Variants in MYEF2 observed in about 807,000 individuals in gnomAD.
The protein encoded by MYEF2 is myelin expression factor 2, also known as myelin gene expression factor 2.
Under a neutral mutation model 75.2 loss-of-function variants are expected in MYEF2, and 37 were observed. The observed-to-expected ratio is 0.49, with a 90% CI of 0.38 to 0.65. The LOEUF is 0.65. MYEF2 is among the 30% of genes least tolerant of loss of function. The pLI, the probability that MYEF2 is intolerant of heterozygous loss-of-function variation, is 0.00. For synonymous variants in MYEF2, 195 were observed against 241.6 expected (o/e 0.81, Z 1.79); for missense variants, 634 against 771.4 (o/e 0.82, Z 2.11).
Position 48,142,538 on chromosome 15 carries a change from T to A in MYEF2, c.*370A>T. 1 of 517,228 alleles carries A rather than the reference T, an allele frequency of 1.9e-6. No homozygotes were observed. The highest frequency in any genetic ancestry group is 3.2e-6 in the Non-Finnish European group (1 of 308,456). The allele number at this position is 517,228 out of a possible 1,614,324, so 32.0% of individuals were successfully genotyped here. A position where few individuals can be genotyped will look rare whatever the true frequency, so the allele number is the denominator to read the frequency against. ...CTTTCTTTTCATGAAAAATTACATA[T>A]TATAAAACAGAAGTTTGGGGGGAAA... On this transcript the variant is annotated 3_prime_UTR_variant, in exon 17 of 17. Transcript: ENST00000324324.
At position 48,168,815 on chromosome 15, in the gene MYEF2, T is replaced by TC. The variant is rs775201152; in HGVS notation, c.185_186insG (p.Glu63ArgfsTer4). On this transcript the variant is annotated frameshift_variant, in exon 2 of 17. Transcript: ENST00000324324. LOFTEE classifies it high-confidence loss of function. The stretch of plus-strand genomic sequence containing the variant: ...ATTTTTCCTTTAAGTCAGATTTCTC[T>TC]TCTTTTGCTGATTCATCATTCTCCC... The TC allele has an allele frequency of 6.2e-7, 1 of 1,612,982 alleles. No individual in the cohort carries two copies. Among genetic ancestry groups the TC allele is most frequent in the Non-Finnish European group, 8.5e-7 (1 of 1,179,414 alleles).
chr15:48,159,853 T>C, intron 5 of MYEF2, 49 bp from the exon 6 acceptor site: 1 of 1,523,428 alleles, frequency 6.6e-7, no homozygotes. Flanking sequence ...TCACTAATTC[T>C]ACAAAATTAA....
intron 9 of MYEF2, 161 bp downstream of exon 9, chr15:48,157,832 T>C: frequency 7.2e-7 from 1 of 1,380,630 alleles, no homozygotes; most frequent in Non-Finnish European, 9.4e-7. Flanking sequence ...ACTTATCTTC[T>C]CAGTCTTCCT....
Position 48,178,287 on chromosome 15 carries a change from C to G in MYEF2, c.-50G>C. The G allele has an allele frequency of 7.4e-7, 1 of 1,356,928 alleles. No homozygotes were observed. Among genetic ancestry groups the G allele is most frequent in the Non-Finnish European group, 9.4e-7 (1 of 1,058,740 alleles). The allele number at this position is 1,356,928 out of a possible 1,614,324, so 84.1% of individuals were successfully genotyped here. A position where few individuals can be genotyped will look rare whatever the true frequency, so the allele number is the denominator to read the frequency against. On this transcript the variant is annotated 5_prime_UTR_variant, in exon 1 of 17. Transcript: ENST00000324324. ...GCCGCCTGAGCTGAGGGGCTCCGAG[C>G]GCGACAATGGCGGCTGCCGGGGAAG...
At chr15:48,148,751 T>C (rs1031991643) in intron 16 of MYEF2, among the ~76,000 whole-genome samples, 4 of 152,026 alleles carry the variant, frequency 2.6e-5, no homozygotes, top group African/African-American at 9.7e-5. Context: ...AATGAGGTAA[T>C]AAAATAAGCC....
chr15:48,168,966 A>G, intron 1 of MYEF2, 127 bp from the exon 2 acceptor site: 1 of 680,102 alleles, frequency 1.5e-6, no homozygotes, highest in South Asian at 2.0e-5. Context: ...GACCTCAGCA[A>G]AGTAGCTGGA....
chr15:48,176,734 T>C (rs1190886604), intron 1 of MYEF2, among the ~76,000 whole-genome samples: 6 of 152,238 alleles, frequency 3.9e-5, no homozygotes, highest in Non-Finnish European at 7.3e-5. Context: ...TTTTCATTTC[T>C]ATTTTTAATG....
intron 9 of MYEF2, among the ~76,000 whole-genome samples, chr15:48,155,360 T>TA (rs1442415048): frequency 6.6e-6 from 1 of 152,088 alleles, no homozygotes. Context: ...CTAATCTAGA[T>TA]GCACCTACTA....
chr15:48,137,871 G>C lies in MYEF2; in HGVS notation c.*5037C>G, dbSNP rs544932289. 5.9e-5 allele frequency: 9 copies of C among 152,084 alleles called. No homozygotes were observed. Among genetic ancestry groups the C allele is most frequent in the South Asian group, 2.1e-4 (1 of 4,828 alleles). The allele number at this position is 152,084 out of a possible 1,614,324, so 9.4% of individuals were successfully genotyped here. On this transcript the variant is annotated 3_prime_UTR_variant, in exon 17 of 17. Transcript: ENST00000324324. The stretch of plus-strand genomic sequence containing the variant: ...TTTAGGTAAATAGGTTCAGTAGGAA[G>C]TCAGAAAATTCAGCTATGGTCAAAA...
At chr15:48,151,810 G>A in intron 12 of MYEF2, 64 bp downstream of exon 12, 2 of 1,548,320 alleles carry the variant, frequency 1.3e-6, no homozygotes, top group Admixed American at 1.7e-5. Context: ...AGTTATAGGG[G>A]GGAAATATTA....
intron 9 of MYEF2, among the ~76,000 whole-genome samples, chr15:48,154,667 T>C (rs2039620396): frequency 2.0e-5 from 3 of 152,158 alleles, no homozygotes; most frequent in African/African-American, 7.2e-5. Flanking sequence ...AGTTAAACTA[T>C]CTTTGAAAAC....
At chr15:48,159,529 T>C (rs945799724) in intron 6 of MYEF2, 84 bp downstream of exon 6, 1 of 1,275,464 alleles carries the variant, frequency 7.8e-7, no homozygotes, top group Non-Finnish European at 1.1e-6. Context: ...ATAAGCAAAA[T>C]GTTCTATAAA....
chr15:48,167,240 T>G, intron 3 of MYEF2, 109 bp downstream of exon 3: 1 of 1,101,790 alleles, frequency 9.1e-7, no homozygotes, highest in Non-Finnish European at 1.3e-6. Context: ...CATAATAAAG[T>G]AAAACAAAAT....
intron 5 of MYEF2, among the ~76,000 whole-genome samples, chr15:48,163,712 G>T (rs554441279): frequency 1.3e-5 from 2 of 152,250 alleles, no homozygotes; most frequent in South Asian, 4.2e-4. Context: ...AATGCAACTG[G>T]TAACCTTAAT....
chr15:48,159,050 A>G (rs1447090270), intron 6 of MYEF2, 128 bp from the exon 7 acceptor site: 2 of 768,058 alleles, frequency 2.6e-6, no homozygotes, highest in South Asian at 2.0e-5. Context: ...TATATTGATA[A>G]TGTTCAAATT....
rs1289510304 is a variant in MYEF2, at chr15:48,137,655, C to T, written c.*5253G>A. ...GGAATAAATGAGAACAGATGTGAGACTATATGAAGGAAGCATCACCAAGAC... is the reference window on the plus strand; with the variant it reads ...GGAATAAATGAGAACAGATGTGAGATTATATGAAGGAAGCATCACCAAGAC... On this transcript the variant is annotated 3_prime_UTR_variant, in exon 17 of 17. Transcript: ENST00000324324. The T allele has an allele frequency of 2.0e-5, 3 of 151,938 alleles. No homozygotes were observed. Among genetic ancestry groups the T allele is most frequent in the Non-Finnish European group, 4.4e-5 (3 of 68,006 alleles). The allele number at this position is 151,938 out of a possible 1,614,324, so 9.4% of individuals were successfully genotyped here.
chr15:48,151,356 C>A, intron 13 of MYEF2, 117 bp downstream of exon 13: 3 of 1,093,706 alleles, frequency 2.7e-6, no homozygotes, highest in Non-Finnish European at 2.7e-6. Flanking sequence ...GTGTTTTCTT[C>A]AGGTAATAAG....
intron 16 of MYEF2, among the ~76,000 whole-genome samples, chr15:48,147,377 T>G (rs2039326041): frequency 6.6e-6 from 1 of 151,990 alleles, no homozygotes; most frequent in Non-Finnish European, 1.5e-5. Context: ...TTTGTCCTGC[T>G]TTGCTCTTTA....
rs1421811733 is a variant in MYEF2 at position 48,138,178 on chromosome 15, G to A, written c.*4730C>T. On this transcript the variant is annotated 3_prime_UTR_variant, in exon 17 of 17. Coordinates refer to ENST00000324324, the MANE Select transcript of MYEF2 (RefSeq NM_016132.5). ...TTAATGGCACATTGGTTGAAGCTTG[G>A]CAAACTTTTTATGAGTTGTTGTACT... is the stretch of plus-strand genomic sequence containing the variant. 2 of 151,878 alleles carry A rather than the reference G, an allele frequency of 1.3e-5. No homozygotes were observed. Among genetic ancestry groups the A allele is most frequent in the African/African-American group, 4.8e-5 (2 of 41,400 alleles). 9.4% of individuals were successfully genotyped at this position (151,878 alleles called of 1,614,324 possible).
Sources: gnomAD v4.1 joint callset for allele counts (sites outside exome capture counted in the v4.1 genomes callset) on GRCh38, gnomAD v4.1.1 for gene constraint, MANE v1.5 for transcripts, NCBI Gene and HGNC (gene_info 2026-07-23, HGNC 2026-07-21) for gene names.